The following PCDHA2 variants were observed in gnomAD, a reference collection of about 807,000 sequenced individuals.
The protein encoded by PCDHA2 is protocadherin alpha 2.
In PCDHA2, 58 loss-of-function variants were observed where a neutral mutation model predicts 66.0. The observed-to-expected ratio is 0.88, with a 90% CI of 0.71 to 1.09. The LOEUF (loss-of-function observed/expected upper bound fraction) is 1.09, where lower values mean the gene tolerates loss of function less well. Among genes scored for constraint, PCDHA2 ranks in the 50% least tolerant of loss-of-function variants. The pLI is 0.00. For synonymous variants in PCDHA2, 634 were observed against 554.0 expected, an observed-to-expected ratio of 1.14 and a Z score of -2.03; for missense variants, 1,267 against 1,242.3, an observed-to-expected ratio of 1.02 and a Z score of -0.30.
chr5:140,863,527 G>C, intron 1 of PCDHA2: 1 of 392,272 alleles, frequency 2.5e-6, no homozygotes, highest in Non-Finnish European at 5.0e-6. Context: ...CCATGGTTCA[G>C]ATTTTGGAGA....
chr5:141,001,102 A>T (rs1197761807), intron 3 of PCDHA2, among the ~76,000 whole-genome samples: 1 of 152,076 alleles, frequency 6.6e-6, no homozygotes, highest in African/African-American at 2.4e-5. Context: ...TCTAATCCAT[A>T]ATAAGCAATC....
intron 2 of PCDHA2, among the ~76,000 whole-genome samples, chr5:140,980,159 A>G (rs2153821002): frequency 6.6e-6 from 1 of 152,326 alleles, no homozygotes; most frequent in Admixed American, 6.5e-5. Context: ...ATACCAGAAT[A>G]TTAGGTATCA....
intron 1 of PCDHA2, chr5:140,884,069 T>A (rs2059977023): frequency 6.2e-7 from 1 of 1,613,394 alleles, no homozygotes; most frequent in Non-Finnish European, 8.5e-7. Flanking sequence ...GGACGCCGAT[T>A]CGGGCTACAA....
intron 1 of PCDHA2, among the ~76,000 whole-genome samples, chr5:140,970,397 T>C (rs2096402198): frequency 6.6e-6 from 1 of 152,218 alleles, no homozygotes; most frequent in Non-Finnish European, 1.5e-5. Flanking sequence ...GGAAAGTGGA[T>C]GGCTTACCCT....
intron 1 of PCDHA2, chr5:140,969,583 A>G: frequency 1.1e-6 from 1 of 914,068 alleles, no homozygotes; most frequent in Admixed American, 3.0e-5. Context: ...AGTGAGGATT[A>G]GTCTTAATAT....
chr5:140,941,202 C>CCTTTCTTCCTTCCTTT (rs1394736170), intron 1 of PCDHA2, among the ~76,000 whole-genome samples: 7 of 122,740 alleles, frequency 5.7e-5, no homozygotes, highest in African/African-American at 1.5e-4. Context: ...TTTCTTTCTT[C>CCTTTCTTCCTTCCTTT]CTTTCTTTCT....
At chr5:140,887,253 C>T (rs1045921651) in intron 1 of PCDHA2, among the ~76,000 whole-genome samples, 3 of 151,962 alleles carry the variant, frequency 2.0e-5, no homozygotes, top group Admixed American at 6.6e-5. Flanking sequence ...CCCGCCACCA[C>T]GCCCTGCTAA....
intron 1 of PCDHA2, among the ~76,000 whole-genome samples, chr5:140,933,464 A>G (rs1257783133): frequency 1.3e-5 from 2 of 152,074 alleles, no homozygotes; most frequent in African/African-American, 4.8e-5. Flanking sequence ...TATACTCTGA[A>G]TTCAAACACA....
Position 140,869,160 on chromosome 5 carries a change from C to T in PCDHA2, c.2388+71808C>T, listed in dbSNP as rs201759355. 10 of 1,613,886 alleles carry T rather than the reference C, an allele frequency of 6.2e-6. No homozygotes were observed. In the East Asian group the frequency reaches 2.0e-4, roughly 32 times the overall value. On this transcript the variant is annotated intron_variant, in intron 1 of 3. Transcript: ENST00000526136. ...CCCCACGACTACAGCTCTGGCTTCT[C>T]CTCCTCGAATTCTGGGAGGTGGGGA...
intron 1 of PCDHA2, chr5:140,805,423 T>C (rs1763564687): frequency 9.4e-7 from 1 of 1,061,906 alleles, no homozygotes; most frequent in East Asian, 7.7e-5. Context: ...GGTTTTTTGT[T>C]GTTGTTTTGG....
chr5:140,796,306 G>A lies in PCDHA2; in HGVS notation c.1342G>A (p.Val448Met), dbSNP rs1554119831. 1 of 1,614,136 alleles carries A rather than the reference G, an allele frequency of 6.2e-7. No homozygotes were observed. The change falls in exon 1 of 4, where the codon GTG (valine) becomes ATG (methionine). Residue 448 changes from valine (V) to methionine (M), a missense_variant. Transcript: ENST00000526136. ...CAGCGTGTCCATCGAGGTGGCCGAC[G>A]TGAACGACAACGCGCCGGCGTTCGC... ...TTSVSIEVADVNDNAPAFAQP... is the reference protein window; with the variant it reads ...TTSVSIEVADMNDNAPAFAQP...
At chr5:140,800,672 A>G (rs1351026525) in intron 1 of PCDHA2, among the ~76,000 whole-genome samples, 1 of 152,202 alleles carries the variant, frequency 6.6e-6, no homozygotes, top group Non-Finnish European at 1.5e-5. Context: ...ATAAAAAGCG[A>G]ATAATATTAA....
At chr5:140,876,724 G>C (rs140611870) in intron 1 of PCDHA2, 4 of 1,614,128 alleles carry the variant, frequency 2.5e-6, no homozygotes, top group Non-Finnish European at 2.5e-6. Context: ...CCGCGAGAGC[G>C]TGTCGGCCTA....
At chr5:140,993,437 C>A (rs1193523462) in intron 3 of PCDHA2, among the ~76,000 whole-genome samples, 1 of 150,056 alleles carries the variant, frequency 6.7e-6, no homozygotes, top group Non-Finnish European at 1.5e-5. Context: ...AATCCTTATT[C>A]ATTCCTGTTC....
At chr5:140,837,960 C>T (rs1483663172) in intron 1 of PCDHA2, among the ~76,000 whole-genome samples, 2 of 151,794 alleles carry the variant, frequency 1.3e-5, no homozygotes, top group African/African-American at 2.4e-5. Context: ...ATTACAGACA[C>T]GAACAACCAC....
At chr5:140,848,439 G>T in intron 1 of PCDHA2, 4 of 1,486,148 alleles carry the variant, frequency 2.7e-6, no homozygotes, top group South Asian at 2.5e-5. Flanking sequence ...GAAATCAGAT[G>T]ATTTCTTCTA....
chr5:140,991,534 T>C (rs1393603513), intron 3 of PCDHA2, among the ~76,000 whole-genome samples: 1 of 152,236 alleles, frequency 6.6e-6, no homozygotes, highest in African/African-American at 2.4e-5. Context: ...CTTGCCACTA[T>C]ATAACAAGGA....
At chr5:140,904,015 A>G (rs1374371306) in intron 1 of PCDHA2, among the ~76,000 whole-genome samples, 1 of 152,234 alleles carries the variant, frequency 6.6e-6, no homozygotes, top group Non-Finnish European at 1.5e-5. Context: ...ACTTTAAAAA[A>G]TAATGGTATA....
intron 1 of PCDHA2, among the ~76,000 whole-genome samples, chr5:140,890,853 C>T (rs1202284942): frequency 1.3e-5 from 2 of 152,058 alleles, no homozygotes; most frequent in Non-Finnish European, 2.9e-5. Flanking sequence ...GTTTCTCTTC[C>T]TTACTTCTTG....
Sources: gnomAD v4.1 joint callset for allele counts (sites outside exome capture counted in the v4.1 genomes callset) on GRCh38, gnomAD v4.1.1 for gene constraint, MANE v1.5 for transcripts, NCBI Gene and HGNC (gene_info 2026-07-23, HGNC 2026-07-21) for gene names.